SLC4A7: variants seen among roughly 807,000 people sequenced by gnomAD.
SLC4A7 encodes solute carrier family 4 member 7.
A neutral mutation model predicts 137.6 loss-of-function variants in SLC4A7; 51 were observed. That is an observed-to-expected ratio of 0.37 (90% CI 0.30 to 0.47). The LOEUF (loss-of-function observed/expected upper bound fraction) is 0.47. Among genes scored for constraint, SLC4A7 ranks in the 20% least tolerant of loss-of-function variants. The pLI is 1.00. For synonymous variants in SLC4A7, 542 were observed against 518.6 expected, an observed-to-expected ratio of 1.05 and a Z score of -0.61; for missense variants, 1,247 against 1,525.4, an observed-to-expected ratio of 0.82 and a Z score of 3.04.
At position 27,484,204 on chromosome 3, in the gene SLC4A7, C is replaced by T. The variant is rs1466548357; in HGVS notation, c.-78G>A. ...CCTGCTTCTGCCGCTGCCCCTGCCG[C>T]CGCCGCCGAGCCCCCGGCGCGCGAG... On this transcript the variant is annotated 5_prime_UTR_variant, in exon 1 of 26. Transcript: ENST00000454389. 7 of 1,157,766 alleles carry T rather than the reference C, an allele frequency of 6.0e-6. No individual in the cohort carries two copies. The highest frequency in any genetic ancestry group is 1.6e-5 in the African/African-American group (1 of 62,126). 71.7% of individuals were successfully genotyped at this position (1,157,766 alleles called of 1,614,324 possible).
chr3:27,394,529 A>C lies in SLC4A7; in HGVS notation c.3106T>G (p.Ser1036Ala). The change falls in exon 20 of 26, where the codon TCA becomes GCA. Residue 1036 changes from serine (S) to alanine (A), a missense_variant. Physicochemically the swap from Ser to Ala is moderately conservative, Grantham distance 99 (BLOSUM62 1). Around this residue, in one of 6 missense-constraint regions of SLC4A7, gnomAD observed 290 missense variants for 323.8 expected, o/e 0.90. Transcript: ENST00000454389. ...TAAAGAAATTTTACCTTTAGGACTGAAGTCATGAACACAGAGAGGCCCATT... is the reference window on the plus strand; with the variant it reads ...TAAAGAAATTTTACCTTTAGGACTGCAGTCATGAACACAGAGAGGCCCATT... ...ILMGLSVFMT[S>A]VLKFIPMPVL... 6.2e-7 allele frequency: 1 copy of C among 1,613,724 alleles called. No individual in the cohort carries two copies. Among genetic ancestry groups the C allele is most frequent in the Non-Finnish European group, 8.5e-7 (1 of 1,179,712 alleles).
At chr3:27,388,061 C>T (rs1368008960) in intron 22 of SLC4A7, among the ~76,000 whole-genome samples, 3 of 152,148 alleles carry the variant, frequency 2.0e-5, no homozygotes, top group Non-Finnish European at 2.9e-5. Context: ...AGTTTTCTAA[C>T]ATCCAGCCAC....
At chr3:27,468,320 G>A (rs1413578079) in intron 1 of SLC4A7, among the ~76,000 whole-genome samples, 3 of 152,140 alleles carry the variant, frequency 2.0e-5, no homozygotes, top group Admixed American at 6.5e-5. Context: ...ATCTCCATAA[G>A]TTGTATATTA....
In SLC4A7 at chr3:27,404,731, T is replaced by A. The variant is rs925999336; in HGVS notation, c.2075+99A>T. The stretch of plus-strand genomic sequence containing the variant: ...CTCAAAAATAATGAGAATGCATATA[T>A]TGACCAAATTACTTTTAAGCAATTA... On this transcript the variant is annotated intron_variant, in intron 14 of 25. Transcript: ENST00000454389. 2.1e-5 allele frequency: 21 copies of A among 981,588 alleles called. No individual in the cohort carries two copies. In the African/African-American group the frequency reaches 3.4e-4, roughly 16 times the overall value. The allele number at this position is 981,588 out of a possible 1,614,324, so 60.8% of individuals were successfully genotyped here. A position where few individuals can be genotyped will look rare whatever the true frequency, so the allele number is the denominator to read the frequency against.
intron 7 of SLC4A7, among the ~76,000 whole-genome samples, chr3:27,424,811 T>C (rs2055382427): frequency 6.6e-6 from 1 of 152,240 alleles, no homozygotes; most frequent in Non-Finnish European, 1.5e-5. Context: ...GTTTAAATTA[T>C]GCACTCTCTG....
chr3:27,459,640 T>C (rs2058587153), intron 1 of SLC4A7, among the ~76,000 whole-genome samples: 1 of 152,182 alleles, frequency 6.6e-6, no homozygotes, highest in Non-Finnish European at 1.5e-5. Flanking sequence ...ACACTTACTG[T>C]TTTATATATA....
chr3:27,456,564 A>G, intron 1 of SLC4A7: 2 of 932,272 alleles, frequency 2.1e-6, no homozygotes, highest in Admixed American at 1.8e-5. Context: ...CAGTGCTAAT[A>G]AGCCTGACAT....
At chr3:27,478,026 C>A (rs2059537535) in intron 1 of SLC4A7, among the ~76,000 whole-genome samples, 1 of 152,126 alleles carries the variant, frequency 6.6e-6, no homozygotes, top group African/African-American at 2.4e-5. Flanking sequence ...TGTTCCTAAT[C>A]AGAGATGATA....
chr3:27,469,656 G>C (rs1020835800), intron 1 of SLC4A7, among the ~76,000 whole-genome samples: 5 of 152,158 alleles, frequency 3.3e-5, no homozygotes, highest in Non-Finnish European at 7.3e-5. Context: ...AGGAGGCTGA[G>C]GCAGGAGAAT....
intron 1 of SLC4A7, among the ~76,000 whole-genome samples, chr3:27,479,019 A>T (rs980005980): frequency 6.6e-6 from 1 of 151,828 alleles, no homozygotes; most frequent in Admixed American, 6.6e-5. Flanking sequence ...AAAAAAAAAA[A>T]CAAAAAAACA....
intron 1 of SLC4A7, among the ~76,000 whole-genome samples, chr3:27,476,326 A>T (rs187814962): frequency 1.6e-4 from 24 of 152,310 alleles, no homozygotes; most frequent in Non-Finnish European, 3.5e-4. Context: ...TACTGCATTT[A>T]CTCAACATTC....
intron 1 of SLC4A7, among the ~76,000 whole-genome samples, chr3:27,477,061 A>T (rs973920482): frequency 7.9e-5 from 12 of 152,210 alleles, no homozygotes; most frequent in African/African-American, 2.9e-4. Flanking sequence ...CACAAAACTT[A>T]CATAATAACA....
chr3:27,415,517 A>G (rs2054298826), intron 11 of SLC4A7, among the ~76,000 whole-genome samples: 1 of 152,176 alleles, frequency 6.6e-6, no homozygotes, highest in African/African-American at 2.4e-5. Context: ...CTTCTGTAGC[A>G]TTATTTCCAG....
At chr3:27,481,504 G>C (rs954413523) in intron 1 of SLC4A7, among the ~76,000 whole-genome samples, 2 of 152,176 alleles carry the variant, frequency 1.3e-5, no homozygotes, top group African/African-American at 4.8e-5. Context: ...TTAGAGTTAT[G>C]ACTGATGAAT....
intron 5 of SLC4A7, among the ~76,000 whole-genome samples, chr3:27,434,581 T>C (rs2056588209): frequency 6.6e-6 from 1 of 152,128 alleles, no homozygotes; most frequent in Non-Finnish European, 1.5e-5. Context: ...GAGCCAAGTT[T>C]CTGCTCTCTT....
chr3:27,402,571 G>A (rs1360633355), intron 15 of SLC4A7, among the ~76,000 whole-genome samples: 6 of 151,900 alleles, frequency 3.9e-5, no homozygotes, highest in Non-Finnish European at 7.4e-5. Flanking sequence ...ACGGTGATAC[G>A]TGCCTGTAAT....
At chr3:27,453,319 CAA>C (rs1408377302) in intron 1 of SLC4A7, among the ~76,000 whole-genome samples, 1 of 152,128 alleles carries the variant, frequency 6.6e-6, no homozygotes, top group Non-Finnish European at 1.5e-5. Flanking sequence ...ACCCTTCCCT[CAA>C]AAAGTCTTTG....
intron 3 of SLC4A7, among the ~76,000 whole-genome samples, chr3:27,438,728 T>C (rs1291231284): frequency 1.3e-5 from 2 of 150,004 alleles, no homozygotes; most frequent in South Asian, 2.1e-4. Context: ...TAAAACAAAA[T>C]ACAATGTAAG....
At chr3:27,414,512 G>A (rs1199539150) in intron 11 of SLC4A7, among the ~76,000 whole-genome samples, 1 of 152,000 alleles carries the variant, frequency 6.6e-6, no homozygotes, top group Non-Finnish European at 1.5e-5. Context: ...AAATATTAAT[G>A]GAAATACATC....
Sources: gnomAD v4.1 joint callset for allele counts (sites outside exome capture counted in the v4.1 genomes callset) on GRCh38, gnomAD v4.1.1 for gene constraint, gnomAD v4.1.1 regional missense constraint, MANE v1.5 for transcripts, NCBI Gene and HGNC (gene_info 2026-07-23, HGNC 2026-07-21) for gene names.